The following TRAPPC12 variants were observed in gnomAD, a reference collection of about 807,000 sequenced individuals.
The protein encoded by TRAPPC12 is trafficking protein particle complex subunit 12, also known as TPR repeat protein 15.
Under a neutral mutation model 69.2 loss-of-function variants are expected in TRAPPC12, and 61 were observed. The observed-to-expected ratio is 0.88, with a 90% confidence interval of 0.72 to 1.09. The LOEUF (loss-of-function observed/expected upper bound fraction) is 1.09. TRAPPC12 is among the 50% of genes least tolerant of loss of function. The probability of loss-of-function intolerance (pLI) is 0.00; values close to 1 mark genes in which losing one functional copy is unlikely to be tolerated. For missense variants in TRAPPC12, 1,101 were observed against 1,016.4 expected, an observed-to-expected ratio of 1.08 and a Z score of -1.13; for synonymous variants, 469 against 438.9, an observed-to-expected ratio of 1.07 and a Z score of -0.86.
At chr2:3,389,506 C>T (rs530786468) in intron 2 of TRAPPC12, among the ~76,000 whole-genome samples, 3 of 152,290 alleles carry the variant, frequency 2.0e-5, no homozygotes, top group Non-Finnish European at 2.9e-5. Flanking sequence ...CCGTGGCGCC[C>T]GAAGAGCAAC....
chr2:3,424,485 A>T, intron 4 of TRAPPC12, 40 bp from the exon 5 acceptor site: 1 of 1,598,292 alleles, frequency 6.3e-7, no homozygotes. Context: ...AACTGGATAT[A>T]TGTAGATAAC....
At chr2:3,434,696 GAGCTTCC>G (rs1663650271) in intron 5 of TRAPPC12, among the ~76,000 whole-genome samples, 1 of 152,246 alleles carries the variant, frequency 6.6e-6, no homozygotes, top group African/African-American at 2.4e-5. Flanking sequence ...GATGCTGCCA[GAGCTTCC>G]AGCTGACAGT....
intron 2 of TRAPPC12, chr2:3,389,854 C>G: frequency 2.2e-6 from 1 of 462,384 alleles, no homozygotes; most frequent in Admixed American, 2.4e-5. Flanking sequence ...TGGTCCCCCA[C>G]CGAAAGTCAG....
rs750189893 is a variant in TRAPPC12, at chr2:3,460,287, G to A, written c.1628G>A (p.Arg543His). The change falls in exon 8 of 12, where the codon CGT becomes CAT. Residue 543 changes from arginine (R) to histidine (H), a missense_variant. By Grantham distance (29) the Arg-to-His change is conservative. Coordinates refer to ENST00000324266, the MANE Select transcript of TRAPPC12 (RefSeq NM_016030.6). ...RQASIRLWRS[R>H]LGRVMYSMAN... is the part of the protein sequence containing the mutation. Reference sequence around the variant, plus strand: ...GCCTCTATCCGGCTGTGGAGGTCACGTCTGGGCCGGGTGATGTACTCCATG... The same window carrying A: ...GCCTCTATCCGGCTGTGGAGGTCACATCTGGGCCGGGTGATGTACTCCATG... The A allele has an allele frequency of 1.1e-6, 1 of 874,632 alleles. No individual in the cohort carries two copies. The highest frequency in any genetic ancestry group is 1.7e-5 in the Admixed American group (1 of 59,198). The allele number at this position is 874,632 out of a possible 1,614,324, so 54.2% of individuals were successfully genotyped here.
intron 6 of TRAPPC12, among the ~76,000 whole-genome samples, chr2:3,451,689 A>G (rs1664858430): frequency 6.6e-6 from 1 of 151,870 alleles, no homozygotes; most frequent in Admixed American, 6.6e-5. Flanking sequence ...AAGCCTGGCT[A>G]ATTTTTAAAC....
At chr2:3,415,022 G>T (rs1572122148) in intron 3 of TRAPPC12, among the ~76,000 whole-genome samples, 1 of 152,146 alleles carries the variant, frequency 6.6e-6, no homozygotes, top group Non-Finnish European at 1.5e-5. Context: ...CCAAGGACTT[G>T]AGCAGTCATG....
At chr2:3,382,130 CTTTTTTT>C (rs70938942) in intron 1 of TRAPPC12, among the ~76,000 whole-genome samples, 34 of 93,592 alleles carry the variant, frequency 3.6e-4, no homozygotes, top group Middle Eastern at 8.3e-3. Flanking sequence ...TTTATTTCCA[CTTTTTTT>C]TTTTTTTTTT....
chr2:3,469,178 G>A (rs1482186952), intron 9 of TRAPPC12, among the ~76,000 whole-genome samples: 1 of 152,142 alleles, frequency 6.6e-6, no homozygotes, highest in Admixed American at 6.5e-5. Flanking sequence ...TCCAGCTCTT[G>A]CAGTGTTCTT....
At chr2:3,457,910 G>C in intron 7 of TRAPPC12, 1 of 1,411,028 alleles carries the variant, frequency 7.1e-7, no homozygotes, top group Non-Finnish European at 9.2e-7. Context: ...CGAACCCTGC[G>C]CCCGGGGAGA....
intron 3 of TRAPPC12, 45 bp downstream of exon 3, chr2:3,401,938 C>A: frequency 1.6e-6 from 2 of 1,238,478 alleles, no homozygotes; most frequent in Admixed American, 2.5e-5. Flanking sequence ...TGTGATAAGT[C>A]CTGCCTGCCT....
chr2:3,449,714 C>A (rs1336207369), intron 6 of TRAPPC12, among the ~76,000 whole-genome samples: 2 of 152,148 alleles, frequency 1.3e-5, no homozygotes, highest in African/African-American at 4.8e-5. Flanking sequence ...CTAACACTGT[C>A]AGGGCCAGGA....
Position 3,424,676 on chromosome 2 carries a change from T to G in TRAPPC12, c.1417+13T>G. 1 of 1,573,512 alleles carries G rather than the reference T, an allele frequency of 6.4e-7. No individual in the cohort carries two copies. The highest frequency in any genetic ancestry group is 8.6e-7 in the Non-Finnish European group (1 of 1,162,546). On this transcript the variant is annotated intron_variant, in intron 5 of 11. Coordinates refer to ENST00000324266, the MANE Select transcript of TRAPPC12 (RefSeq NM_016030.6). ...CCTGGGCGCAGGGGTAAGGCCATGG[T>G]ATTTAATATTTGTACATTTGTCTGT...
chr2:3,380,687 A>G (rs924175433), intron 1 of TRAPPC12, among the ~76,000 whole-genome samples: 1 of 152,206 alleles, frequency 6.6e-6, no homozygotes, highest in Non-Finnish European at 1.5e-5. Context: ...CAAATGAAAT[A>G]TTACACAGTG....
intron 6 of TRAPPC12, chr2:3,457,325 G>C: frequency 2.2e-6 from 1 of 464,940 alleles, no homozygotes; most frequent in East Asian, 5.0e-5. Context: ...GCTGAAAAAT[G>C]ATCTGTTGGG....
rs1432012329 is a variant in TRAPPC12, at chr2:3,478,919, C to T, written c.1951C>T (p.Pro651Ser). The T allele has an allele frequency of 1.9e-6, 3 of 1,614,104 alleles. No homozygotes were observed. The highest frequency in any genetic ancestry group is 2.5e-6 in the Non-Finnish European group (3 of 1,179,998). Residue 651 changes from proline (P) to serine (S), a missense_variant, in exon 11 of 12, where the codon CCA becomes TCA. By Grantham distance (74) the Pro-to-Ser change is moderately conservative. Transcript: ENST00000324266. ...CTTCACAGAGATCTTAAGGATGGATCCAAGAAACGCAGTGGTAAGATCCCC... is the reference window on the plus strand; with the variant it reads ...CTTCACAGAGATCTTAAGGATGGATTCAAGAAACGCAGTGGTAAGATCCCC... The part of the protein sequence containing the change: ...RFFTEILRMD[P>S]RNAVANNNAA...
intron 6 of TRAPPC12, among the ~76,000 whole-genome samples, chr2:3,449,775 C>T (rs902764069): frequency 3.9e-5 from 6 of 152,164 alleles, no homozygotes; most frequent in East Asian, 1.9e-4. Context: ...TTGCCATCAC[C>T]GTGCCTGACC....
At chr2:3,470,456 C>G (rs1362220488) in intron 9 of TRAPPC12, among the ~76,000 whole-genome samples, 1 of 152,270 alleles carries the variant, frequency 6.6e-6, no homozygotes, top group African/African-American at 2.4e-5. Context: ...GCACTGTGTC[C>G]TGATCACCCT....
chr2:3,403,782 G>T (rs1661583226), intron 3 of TRAPPC12, among the ~76,000 whole-genome samples: 1 of 152,208 alleles, frequency 6.6e-6, no homozygotes, highest in South Asian at 2.1e-4. Context: ...GAAGACTACA[G>T]TGAAGTTCAG....
chr2:3,417,417 C>T (rs1453615986), intron 3 of TRAPPC12, among the ~76,000 whole-genome samples: 4 of 151,534 alleles, frequency 2.6e-5, no homozygotes, highest in East Asian at 3.9e-4. Context: ...CTGCCCTAGT[C>T]GGTCTGTACG....
Sources: allele counts gnomAD v4.1 joint callset (sites outside exome capture counted in the v4.1 genomes callset), GRCh38; gene constraint gnomAD v4.1.1; transcripts MANE v1.5; gene names NCBI Gene and HGNC (gene_info 2026-07-23, HGNC 2026-07-21).